SIPA1L3: variants seen among roughly 807,000 people sequenced by gnomAD.
SIPA1L3 encodes the protein signal induced proliferation associated 1 like 3.
A neutral mutation model predicts 150.1 loss-of-function variants in SIPA1L3; 59 were observed. The observed-to-expected ratio is 0.39, with a 90% CI of 0.32 to 0.49. SIPA1L3 has a LOEUF of 0.49. Among genes scored for constraint, SIPA1L3 ranks in the 20% least tolerant of loss-of-function variants. The pLI is 0.86. For synonymous variants in SIPA1L3, 1,070 were observed against 1,077.6 expected, an observed-to-expected ratio of 0.99 and a Z score of 0.14; for missense variants, 2,211 against 2,489.5, an observed-to-expected ratio of 0.89 and a Z score of 2.38.
At chr19:38,101,006 C>T (rs751445832) in intron 5 of SIPA1L3, 46 bp from the exon 6 acceptor site, 1 of 1,495,512 alleles carries the variant, frequency 6.7e-7, no homozygotes, top group Non-Finnish European at 8.9e-7. Flanking sequence ...TTCCCTCTGC[C>T]ATCTCTGCCT....
At chr19:37,918,920 A>T (rs973321599) in intron 1 of SIPA1L3, among the ~76,000 whole-genome samples, 3 of 112,578 alleles carry the variant, frequency 2.7e-5, no homozygotes, top group South Asian at 2.5e-4. Flanking sequence ...ATAAATAAAC[A>T]AACTGCTGCT....
At chr19:38,106,176 G>A (rs1970619626) in intron 6 of SIPA1L3, 4 of 258,264 alleles carry the variant, frequency 1.5e-5, no homozygotes, top group Non-Finnish European at 3.0e-5. Flanking sequence ...GCGTGATCTC[G>A]GCTCGCTGCA....
chr19:37,921,869 C>G (rs1392506754), intron 1 of SIPA1L3, among the ~76,000 whole-genome samples: 1 of 152,160 alleles, frequency 6.6e-6, no homozygotes, highest in Non-Finnish European at 1.5e-5. Flanking sequence ...TCCCAAAGTG[C>G]TGGGATCAAA....
chr19:38,186,195 GT>G (rs1972674323), intron 16 of SIPA1L3: 1 of 152,226 alleles, frequency 6.6e-6, no homozygotes, highest in African/African-American at 2.4e-5. Context: ...GAGATGGCTT[GT>G]ATATGTGTGT....
rs1230379579 is a variant in SIPA1L3, at chr19:38,106,628, C to A, written c.2121C>A (p.Asn707Lys). 2 of 1,611,370 alleles carry A rather than the reference C, an allele frequency of 1.2e-6. No homozygotes were observed. The highest frequency in any genetic ancestry group is 1.7e-6 in the Non-Finnish European group (2 of 1,177,486). ...HVSTLLPYTP[N>K]NRQQLLRKRH... ...CCACCCTGCTCCCTTACACCCCCAACAACAGGCAGCAGGTCAGTGATTTTC... is the reference window on the plus strand; with the variant it reads ...CCACCCTGCTCCCTTACACCCCCAAAAACAGGCAGCAGGTCAGTGATTTTC... The change falls in exon 7 of 22, where the codon AAC becomes AAA. Residue 707 changes from asparagine (N) to lysine (K), a missense_variant. Around this residue, in one of 5 missense-constraint regions of SIPA1L3, gnomAD observed 625 missense variants for 804.2 expected, o/e 0.78. Coordinates refer to ENST00000222345, the MANE Select transcript of SIPA1L3 (RefSeq NM_015073.3).
At chr19:37,998,636 T>A (rs1462230813) in intron 1 of SIPA1L3, among the ~76,000 whole-genome samples, 3 of 151,730 alleles carry the variant, frequency 2.0e-5, no homozygotes, top group Admixed American at 6.6e-5. Flanking sequence ...AAAAATAAAT[T>A]AATTAACCAG....
chr19:38,204,775 G>GA lies in SIPA1L3; in HGVS notation c.5202+576dup, dbSNP rs1044472623. Among the ~76,000 whole-genome samples the GA allele has an allele frequency of 1.4e-4, 21 of 150,846 alleles. No homozygotes were observed. In the East Asian group the frequency reaches 2.9e-3, roughly 21 times the overall value. On this transcript the variant is annotated intron_variant, in intron 21 of 21. Transcript: ENST00000222345. ...AGCGAGACTCCATCTCAAAAAAAAA[G>GA]AAAAAAAAATGTTGATCCAGTAATT... is the stretch of plus-strand genomic sequence containing the variant.
intron 1 of SIPA1L3, among the ~76,000 whole-genome samples, chr19:38,007,473 AAAG>A (rs1967979044): frequency 6.6e-6 from 1 of 151,398 alleles, no homozygotes; most frequent in Non-Finnish European, 1.5e-5. Flanking sequence ...AAAAGAAAGA[AAAG>A]AAAAAAACAA....
chr19:38,056,114 C>A (rs1969308488), intron 2 of SIPA1L3, among the ~76,000 whole-genome samples: 1 of 152,218 alleles, frequency 6.6e-6, no homozygotes, highest in African/African-American at 2.4e-5. Context: ...CACCAGGTAC[C>A]CGGCTGAGGA....
chr19:38,074,760 GT>G (rs1969803276), intron 2 of SIPA1L3, among the ~76,000 whole-genome samples: 1 of 152,148 alleles, frequency 6.6e-6, no homozygotes, highest in Non-Finnish European at 1.5e-5. Context: ...GTGGTGTTTT[GT>G]TGTTGTTGTT....
Position 38,206,426 on chromosome 19 carries a change from T to C in SIPA1L3, c.*186T>C, listed in dbSNP as rs1387068740. 6.0e-5 allele frequency: 40 copies of C among 662,330 alleles called. No homozygotes were observed. In the East Asian group the frequency reaches 1.1e-3, roughly 18 times the overall value. The allele number at this position is 662,330 out of a possible 1,614,324, so 41.0% of individuals were successfully genotyped here. ...TCAGGGTCAGCGCGCACAGCCCTCA[T>C]GCCCCAGAGGGCGAAGTGGTCTCAG... On this transcript the variant is annotated 3_prime_UTR_variant, in exon 22 of 22. Transcript: ENST00000222345.
At chr19:37,965,566 G>T (rs1328939739) in intron 1 of SIPA1L3, among the ~76,000 whole-genome samples, 2 of 151,926 alleles carry the variant, frequency 1.3e-5, no homozygotes, top group East Asian at 1.9e-4. Flanking sequence ...TGCCTGCGTC[G>T]TTCTCCCAAA....
chr19:38,206,147 G>GAAC lies in SIPA1L3; in HGVS notation c.5257_5259dup (p.Asn1753dup). On this transcript the variant is annotated inframe_insertion, in exon 22 of 22. Transcript: ENST00000222345. ...AGTCAGAGGTGGCCAGCCTGCGGCA[G>GAAC]AACAACCAGCGGCTGCAGGAGGAGT... 1 of 1,551,428 alleles carries GAAC rather than the reference G, an allele frequency of 6.4e-7. No homozygotes were observed. The highest frequency in any genetic ancestry group is 8.7e-7 in the Non-Finnish European group (1 of 1,146,960).
intron 2 of SIPA1L3, among the ~76,000 whole-genome samples, chr19:38,055,396 A>G (rs899869846): frequency 2.4e-4 from 37 of 152,166 alleles, no homozygotes; most frequent in Admixed American, 9.2e-4. Flanking sequence ...ACCCCCTGAT[A>G]TGACATTTAT....
intron 1 of SIPA1L3, among the ~76,000 whole-genome samples, chr19:37,932,009 T>G (rs939626203): frequency 1.3e-5 from 2 of 152,200 alleles, no homozygotes; most frequent in Non-Finnish European, 2.9e-5. Flanking sequence ...CGGTTGTGGT[T>G]GTTATTATTA....
At chr19:38,030,908 G>T (rs975117416) in intron 2 of SIPA1L3, among the ~76,000 whole-genome samples, 3 of 152,082 alleles carry the variant, frequency 2.0e-5, no homozygotes, top group African/African-American at 7.2e-5. Flanking sequence ...GTGGAAGGGG[G>T]AGGATTGTGG....
intron 1 of SIPA1L3, among the ~76,000 whole-genome samples, chr19:37,927,405 G>A (rs370719251): frequency 6.6e-6 from 1 of 152,068 alleles, no homozygotes; most frequent in African/African-American, 2.4e-5. Flanking sequence ...ACCCACCTTG[G>A]TCTCCCAAAG....
At chr19:37,991,400 G>A (rs1340852398) in intron 1 of SIPA1L3, among the ~76,000 whole-genome samples, 1 of 152,232 alleles carries the variant, frequency 6.6e-6, no homozygotes, top group African/African-American at 2.4e-5. Flanking sequence ...CTCTGGGGAT[G>A]GGAGGAAGGC....
At chr19:38,069,992 T>C (rs192115760) in intron 2 of SIPA1L3, among the ~76,000 whole-genome samples, 1 of 152,018 alleles carries the variant, frequency 6.6e-6, no homozygotes, top group Admixed American at 6.6e-5. Context: ...CCTATATTTT[T>C]ATAAAGCTCC....
Sources: allele counts gnomAD v4.1 joint callset (sites outside exome capture counted in the v4.1 genomes callset), GRCh38; gene constraint gnomAD v4.1.1; regional missense constraint gnomAD v4.1.1; transcripts MANE v1.5; gene names NCBI Gene and HGNC (gene_info 2026-07-23, HGNC 2026-07-21).